Variants in SKAP2 observed in about 807,000 individuals in gnomAD.
The protein encoded by SKAP2 is src kinase associated phosphoprotein 2.
In SKAP2, 28 loss-of-function variants were observed where a neutral mutation model predicts 54.9. That is an observed-to-expected ratio of 0.51 (90% confidence interval 0.38 to 0.70). The LOEUF (loss-of-function observed/expected upper bound fraction) is 0.70, where lower values mean the gene tolerates loss of function less well. SKAP2 is among the 30% of genes least tolerant of loss of function. The probability of loss-of-function intolerance (pLI) is 0.00; values close to 1 mark genes in which losing one functional copy is unlikely to be tolerated. For synonymous variants in SKAP2, 137 were observed against 134.3 expected, an observed-to-expected ratio of 1.02 and a Z score of -0.14; for missense variants, 356 against 424.1, an observed-to-expected ratio of 0.84 and a Z score of 1.41.
intron 4 of SKAP2, among the ~76,000 whole-genome samples, chr7:26,781,229 T>C (rs1562607899): frequency 6.6e-6 from 1 of 152,140 alleles, no homozygotes; most frequent in South Asian, 2.1e-4. Flanking sequence ...AAACAGTGCA[T>C]ATTGCATGAC....
At chr7:26,784,618 A>C (rs1286870272) in intron 4 of SKAP2, among the ~76,000 whole-genome samples, 1 of 152,210 alleles carries the variant, frequency 6.6e-6, no homozygotes, top group Non-Finnish European at 1.5e-5. Context: ...ACTGGATATA[A>C]ATCAACATGT....
chr7:26,842,030 TGAA>T (rs1784827044), intron 4 of SKAP2, among the ~76,000 whole-genome samples: 1 of 151,860 alleles, frequency 6.6e-6, no homozygotes, highest in African/African-American at 2.4e-5. Context: ...AAATCTAAGT[TGAA>T]GAGAGAAAAA....
At chr7:26,670,939 G>A (rs564377817) in intron 11 of SKAP2, among the ~76,000 whole-genome samples, 1 of 152,072 alleles carries the variant, frequency 6.6e-6, no homozygotes, top group South Asian at 2.1e-4. Flanking sequence ...GTATCTCAAG[G>A]TATAAAGGCA....
intron 4 of SKAP2, among the ~76,000 whole-genome samples, chr7:26,813,404 C>T (rs2127988574): frequency 6.6e-6 from 1 of 152,210 alleles, no homozygotes; most frequent in Admixed American, 6.5e-5. Flanking sequence ...TTTTTAAAGC[C>T]AACAACAACA....
chr7:26,727,062 T>C (rs1584354405), intron 6 of SKAP2, 56 bp from the exon 7 acceptor site: 6 of 1,368,280 alleles, frequency 4.4e-6, no homozygotes, highest in East Asian at 5.1e-5. Flanking sequence ...TGCTCAATTA[T>C]CTTTTATGTA....
chr7:26,706,722 T>C (rs545974543), intron 9 of SKAP2, among the ~76,000 whole-genome samples: 1 of 152,164 alleles, frequency 6.6e-6, no homozygotes, highest in African/African-American at 2.4e-5. Flanking sequence ...GGGGAGAAAA[T>C]GATTGATCAG....
chr7:26,786,552 G>A (rs1388069279), intron 4 of SKAP2, among the ~76,000 whole-genome samples: 2 of 152,204 alleles, frequency 1.3e-5, no homozygotes, highest in African/African-American at 4.8e-5. Context: ...GGGAAGGTGG[G>A]AGGGAGTGAG....
At chr7:26,819,025 G>A (rs531841159) in intron 4 of SKAP2, among the ~76,000 whole-genome samples, 71 of 152,222 alleles carry the variant, frequency 4.7e-4, no homozygotes, top group Non-Finnish European at 7.6e-4. Flanking sequence ...AATTCCTCAA[G>A]GATCTGGAAC....
At chr7:26,732,586 T>C (rs1415691754) in intron 6 of SKAP2, among the ~76,000 whole-genome samples, 2 of 152,216 alleles carry the variant, frequency 1.3e-5, no homozygotes, top group Non-Finnish European at 2.9e-5. Flanking sequence ...CCTTTTCCCT[T>C]CAGTGAATAA....
intron 4 of SKAP2, among the ~76,000 whole-genome samples, chr7:26,832,519 T>C (rs574958984): frequency 7.2e-4 from 110 of 152,278 alleles, no homozygotes; most frequent in African/African-American, 2.6e-3. Flanking sequence ...ATTCCTTTTG[T>C]TTGTTTTTAA....
At chr7:26,730,175 G>A (rs943023436) in intron 6 of SKAP2, among the ~76,000 whole-genome samples, 5 of 152,162 alleles carry the variant, frequency 3.3e-5, no homozygotes, top group African/African-American at 1.2e-4. Flanking sequence ...TTTCACATTA[G>A]TTTCTCTTCT....
At position 26,844,104 on chromosome 7, in the gene SKAP2, G is replaced by A. The variant is rs770027415; in HGVS notation, c.233C>T (p.Pro78Leu). The A allele has an allele frequency of 6.2e-7, 1 of 1,611,148 alleles. No individual in the cohort carries two copies. Among genetic ancestry groups the A allele is most frequent in the Non-Finnish European group, 8.5e-7 (1 of 1,178,480 alleles). Residue 78 changes from proline (P) to leucine (L), a missense_variant, in exon 4 of 13, where the codon CCT becomes CTT. Physicochemically the swap from Pro to Leu is moderately conservative, Grantham distance 98. Coordinates refer to ENST00000345317, the MANE Select transcript of SKAP2 (RefSeq NM_003930.5). ...AATAGTGTCTGGAGGCCCAGCAAAA[G>A]GGTCATCATATTCTTCCCCATCTTC... ...DAEDGEEYDD[P>L]FAGPPDTISL...
At chr7:26,775,408 T>A (rs982951200) in intron 4 of SKAP2, among the ~76,000 whole-genome samples, 6 of 152,226 alleles carry the variant, frequency 3.9e-5, no homozygotes. Flanking sequence ...GAATCCCTTA[T>A]ACACTTTGCT....
At chr7:26,780,834 GC>G (rs1783409434) in intron 4 of SKAP2, among the ~76,000 whole-genome samples, 1 of 151,896 alleles carries the variant, frequency 6.6e-6, no homozygotes, top group Non-Finnish European at 1.5e-5. Context: ...TAATTCATGG[GC>G]CCAATCTTTT....
chr7:26,857,310 TAAAAAAAAAAAAAAA>T, intron 1 of SKAP2: 1 of 89,272 alleles, frequency 1.1e-5, no homozygotes, highest in Non-Finnish European at 2.0e-5. Flanking sequence ...CTGCTTTGCT[TAAAAAAAAAAAAAAA>T]AAAAAAAAAA....
At chr7:26,757,523 T>C (rs939080724) in intron 4 of SKAP2, among the ~76,000 whole-genome samples, 1 of 152,150 alleles carries the variant, frequency 6.6e-6, no homozygotes, top group Non-Finnish European at 1.5e-5. Flanking sequence ...TTCTGTTCCA[T>C]TGGTCTATAT....
At chr7:26,819,640 A>C (rs1334221227) in intron 4 of SKAP2, among the ~76,000 whole-genome samples, 1 of 152,030 alleles carries the variant, frequency 6.6e-6, no homozygotes, top group Non-Finnish European at 1.5e-5. Context: ...CCACTTTAAC[A>C]CTAATCACGT....
In SKAP2 at chr7:26,695,114, G is replaced by A. The variant is rs143597942; in HGVS notation, c.797-4752C>T. On this transcript the variant is annotated intron_variant, in intron 9 of 12. Coordinates refer to ENST00000345317, the MANE Select transcript of SKAP2 (RefSeq NM_003930.5). ...GACTGATTTTATCATCTCTTCCAGG[G>A]AGAAGAGGAAGATGATATAAAAAAT... Among the ~76,000 whole-genome samples the A allele has an allele frequency of 5.9e-5, 9 of 152,192 alleles. No individual in the cohort carries two copies. In the East Asian group the frequency reaches 1.7e-3, roughly 29 times the overall value.
chr7:26,859,184 G>C (rs1201967941), intron 1 of SKAP2, among the ~76,000 whole-genome samples: 3 of 151,148 alleles, frequency 2.0e-5, no homozygotes, highest in Non-Finnish European at 4.4e-5. Flanking sequence ...AATTGGGCCA[G>C]ATTTCTCTCT....
Sources: allele counts gnomAD v4.1 joint callset (sites outside exome capture counted in the v4.1 genomes callset), GRCh38; gene constraint gnomAD v4.1.1; transcripts MANE v1.5; gene names NCBI Gene and HGNC (gene_info 2026-07-23, HGNC 2026-07-21).